DPP10: variants seen among roughly 807,000 people sequenced by gnomAD.
DPP10 encodes dipeptidyl peptidase like 10.
In DPP10, 33 loss-of-function variants were observed where a neutral mutation model predicts 120.9. The observed-to-expected ratio is 0.27, with a 90% CI of 0.21 to 0.37. The LOEUF (loss-of-function observed/expected upper bound fraction) is 0.37. Among genes scored for constraint, DPP10 ranks in the 10% least tolerant of loss-of-function variants. The pLI, the probability that DPP10 is intolerant of heterozygous loss-of-function variation, is 1.00. For synonymous variants in DPP10, 337 were observed against 326.1 expected, an observed-to-expected ratio of 1.03 and a Z score of -0.36; for missense variants, 816 against 942.8, an observed-to-expected ratio of 0.87 and a Z score of 1.76.
At chr2:114,903,094 T>G (rs1693708884) in intron 1 of DPP10, among the ~76,000 whole-genome samples, 1 of 152,228 alleles carries the variant, frequency 6.6e-6, no homozygotes, top group Admixed American at 6.5e-5. Flanking sequence ...GTAATATACA[T>G]TTACATTTTC....
At chr2:114,630,852 G>A (rs1694869684) in intron 1 of DPP10, among the ~76,000 whole-genome samples, 1 of 152,084 alleles carries the variant, frequency 6.6e-6, no homozygotes, top group Admixed American at 6.5e-5. Flanking sequence ...CCTACCATGT[G>A]GGAGGGATGA....
intron 1 of DPP10, among the ~76,000 whole-genome samples, chr2:115,131,508 G>C (rs2050357127): frequency 6.6e-6 from 1 of 152,040 alleles, no homozygotes; most frequent in Non-Finnish European, 1.5e-5. Flanking sequence ...GCAAAACCCT[G>C]TCTCAAAAAG....
chr2:115,127,877 CT>C (rs1227113262), intron 1 of DPP10, among the ~76,000 whole-genome samples: 2 of 152,172 alleles, frequency 1.3e-5, no homozygotes, highest in Non-Finnish European at 2.9e-5. Context: ...AAAGGATATA[CT>C]CCCTATGTCA....
At chr2:114,893,693 C>G (rs948727372) in intron 1 of DPP10, among the ~76,000 whole-genome samples, 1 of 152,140 alleles carries the variant, frequency 6.6e-6, no homozygotes, top group Non-Finnish European at 1.5e-5. Context: ...TAACCATGAC[C>G]TGCTCCAGGT....
At chr2:114,484,547 T>C (rs1322930376) in intron 1 of DPP10, among the ~76,000 whole-genome samples, 2 of 152,180 alleles carry the variant, frequency 1.3e-5, no homozygotes, top group South Asian at 2.1e-4. Context: ...GTGTTAACTA[T>C]GTTGTTTTGT....
intron 1 of DPP10, among the ~76,000 whole-genome samples, chr2:114,598,317 T>G (rs1393459886): frequency 1.3e-5 from 2 of 151,888 alleles, no homozygotes; most frequent in Admixed American, 1.3e-4. Context: ...AGAAATGTAA[T>G]GATCAAACTG....
chr2:115,310,127 A>G (rs552911023), intron 2 of DPP10, among the ~76,000 whole-genome samples: 1 of 152,180 alleles, frequency 6.6e-6, no homozygotes, highest in East Asian at 1.9e-4. Flanking sequence ...TGTTTTTCTC[A>G]AAGACCAAAC....
intron 1 of DPP10, among the ~76,000 whole-genome samples, chr2:114,620,024 C>T (rs1264290770): frequency 6.6e-6 from 1 of 151,844 alleles, no homozygotes; most frequent in Non-Finnish European, 1.5e-5. Flanking sequence ...TTAAAAAGGT[C>T]CTAAAAATCT....
At chr2:115,839,673 CAAAA>C (rs57734176) in intron 24 of DPP10, among the ~76,000 whole-genome samples, 2 of 90,524 alleles carry the variant, frequency 2.2e-5, no homozygotes, top group Admixed American at 2.7e-4. Context: ...GACTCCATCT[CAAAA>C]AAAAAAAAAA....
intron 1 of DPP10, among the ~76,000 whole-genome samples, chr2:115,304,859 T>C (rs1385524538): frequency 6.6e-6 from 1 of 152,062 alleles, no homozygotes; most frequent in African/African-American, 2.4e-5. Context: ...AAAATGAATT[T>C]GGACTTAGAT....
At chr2:114,510,372 A>C (rs1684027456) in intron 1 of DPP10, among the ~76,000 whole-genome samples, 1 of 152,140 alleles carries the variant, frequency 6.6e-6, no homozygotes, top group Non-Finnish European at 1.5e-5. Flanking sequence ...TTGGGAGGCC[A>C]AGGTGGGTGG....
chr2:115,230,019 C>G (rs2057658145), intron 1 of DPP10, among the ~76,000 whole-genome samples: 1 of 151,822 alleles, frequency 6.6e-6, no homozygotes, highest in African/African-American at 2.4e-5. Context: ...GTAGTGTGGA[C>G]ATTTTAACAA....
chr2:114,649,542 C>T (rs370861089), intron 1 of DPP10, among the ~76,000 whole-genome samples: 6 of 151,906 alleles, frequency 3.9e-5, no homozygotes, highest in East Asian at 1.9e-4. Context: ...TTAGTAGAGA[C>T]GGGGTTTCAC....
chr2:114,528,362 T>C (rs1685679160), intron 1 of DPP10, among the ~76,000 whole-genome samples: 1 of 152,164 alleles, frequency 6.6e-6, no homozygotes, highest in Non-Finnish European at 1.5e-5. Flanking sequence ...CTTTGAAAAT[T>C]GACTTTCAAT....
intron 1 of DPP10, among the ~76,000 whole-genome samples, chr2:115,096,774 C>T (rs9308706): frequency 0.46 from 70,533 of 151,824 alleles, 16,600 homozygotes; most frequent in East Asian, 0.67. Context: ...CATGTATGTA[C>T]TTGTATATTT....
At chr2:115,530,290 A>G (rs1454961265) in intron 5 of DPP10, among the ~76,000 whole-genome samples, 1 of 152,166 alleles carries the variant, frequency 6.6e-6, no homozygotes, top group African/African-American at 2.4e-5. Context: ...CAAGAAATTT[A>G]TAACCAGGAA....
chr2:114,461,554 C>G (rs968376246), intron 1 of DPP10: 1 of 983,056 alleles, frequency 1.0e-6, no homozygotes, highest in Admixed American at 6.2e-5. Flanking sequence ...ACCTCCTTTT[C>G]TAAGACCAGC....
intron 1 of DPP10, among the ~76,000 whole-genome samples, chr2:114,543,692 C>T (rs977338352): frequency 2.6e-5 from 4 of 152,116 alleles, no homozygotes; most frequent in Non-Finnish European, 4.4e-5. Context: ...CTCTCCCATA[C>T]GGGCTGTTAA....
intron 1 of DPP10, among the ~76,000 whole-genome samples, chr2:115,061,463 A>T (rs879528531): frequency 6.6e-6 from 1 of 152,234 alleles, no homozygotes; most frequent in Non-Finnish European, 1.5e-5. Flanking sequence ...AATTTAAGCA[A>T]TAATCTGTAC....
Sources: allele counts gnomAD v4.1 joint callset (sites outside exome capture counted in the v4.1 genomes callset), GRCh38; gene constraint gnomAD v4.1.1; transcripts MANE v1.5; gene names NCBI Gene and HGNC (gene_info 2026-07-23, HGNC 2026-07-21).